Variants in BLTP1 observed in about 807,000 individuals in gnomAD.
BLTP1 encodes fragile site-associated protein.
At chr4:122,350,152 A>G in the BLTP1 span, 2 of 1,496,710 alleles carry the variant, frequency 1.3e-6, no homozygotes, top group Non-Finnish European at 1.8e-6. Context: ...AAATAATAAT[A>G]ATCTGTATGC....
At chr4:122,280,180 G>C in the BLTP1 span, 1,533 of 985,384 alleles carry the variant, frequency 1.6e-3, 13 homozygotes, top group African/African-American at 0.025. Flanking sequence ...AGTGTCGTCA[G>C]TGCAATTGTC....
the BLTP1 span, chr4:122,154,056 A>G: frequency 1.0e-6 from 1 of 984,798 alleles, no homozygotes; most frequent in Non-Finnish European, 1.2e-6. Flanking sequence ...CAGAAAGGCT[A>G]TCTGAAGAAA....
the BLTP1 span, chr4:122,152,410 G>C: frequency 1.0e-6 from 1 of 985,802 alleles, no homozygotes; most frequent in Admixed American, 6.1e-5. Context: ...GCCAGGGTCT[G>C]GACCTGGGCG....
the BLTP1 span, chr4:122,276,048 G>T: frequency 6.4e-7 from 1 of 1,551,808 alleles, no homozygotes. Context: ...CTTTTTCATG[G>T]CTTTGTAATT....
At chr4:122,197,069 T>G in the BLTP1 span, 1 of 619,540 alleles carries the variant, frequency 1.6e-6, no homozygotes, top group South Asian at 3.6e-5. Context: ...ATTTGAACTT[T>G]TGTTCTTAGG....
chr4:122,294,192 G>A, the BLTP1 span, among the ~76,000 whole-genome samples: 4 of 152,304 alleles, frequency 2.6e-5, no homozygotes, highest in East Asian at 5.8e-4. Flanking sequence ...TGGCTCTGGA[G>A]AGTCCCGGTG....
the BLTP1 span, chr4:122,254,746 ATTGT>A: frequency 7.0e-7 from 1 of 1,428,080 alleles, no homozygotes; most frequent in African/African-American, 1.4e-5. Flanking sequence ...GGTATGGGAG[ATTGT>A]TTGGAATACA....
chr4:122,273,872 A>G, the BLTP1 span, among the ~76,000 whole-genome samples: 41 of 152,084 alleles, frequency 2.7e-4, no homozygotes, highest in Non-Finnish European at 5.9e-5. Context: ...ATGCTAAATG[A>G]AAAAAGTAGG....
chr4:122,155,041 T>C, the BLTP1 span: 9 of 562,300 alleles, frequency 1.6e-5, no homozygotes, highest in South Asian at 7.0e-4. Flanking sequence ...CATAACTAGC[T>C]ATTGAGTATC....
chr4:122,214,247 T>G, the BLTP1 span: 4 of 957,886 alleles, frequency 4.2e-6, no homozygotes, highest in Non-Finnish European at 5.0e-6. Context: ...TTACTTGAAG[T>G]AGGTGACAAG....
At chr4:122,354,985 A>G in the BLTP1 span, among the ~76,000 whole-genome samples, 2 of 152,034 alleles carry the variant, frequency 1.3e-5, no homozygotes, top group African/African-American at 4.8e-5. Context: ...TTTTTTCAAA[A>G]TGGAAAAGAT....
At chr4:122,302,754 C>T in the BLTP1 span, among the ~76,000 whole-genome samples, 1 of 152,162 alleles carries the variant, frequency 6.6e-6, no homozygotes, top group Non-Finnish European at 1.5e-5. Flanking sequence ...GATAAGAAAG[C>T]CAAACAGCCT....
chr4:122,234,944 G>A, the BLTP1 span: 2 of 1,613,738 alleles, frequency 1.2e-6, no homozygotes, highest in Admixed American at 1.7e-5. Context: ...CAAGTGCAGA[G>A]TCTGATATGT....
At chr4:122,308,164 C>T in the BLTP1 span, 2 of 1,612,224 alleles carry the variant, frequency 1.2e-6, no homozygotes, top group Admixed American at 1.7e-5. Flanking sequence ...TGCACAGGTA[C>T]AAAAAGTCAA....
At chr4:122,286,444 T>A in the BLTP1 span, 2 of 1,552,886 alleles carry the variant, frequency 1.3e-6, no homozygotes, top group Non-Finnish European at 1.7e-6. Flanking sequence ...TTTGGGAATA[T>A]CCATGCATTT....
chr4:122,358,803 A>G, the BLTP1 span, among the ~76,000 whole-genome samples: 1 of 152,204 alleles, frequency 6.6e-6, no homozygotes, highest in Admixed American at 6.5e-5. Flanking sequence ...AGCTGTATTC[A>G]TTAAATAAGA....
chr4:122,341,435 C>T, the BLTP1 span, among the ~76,000 whole-genome samples: 1 of 152,072 alleles, frequency 6.6e-6, no homozygotes, highest in African/African-American at 2.4e-5. Context: ...AATATATGCC[C>T]ATGCCCATTT....
chr4:122,164,336 T>G, the BLTP1 span: 1 of 891,168 alleles, frequency 1.1e-6, no homozygotes, highest in African/African-American at 1.8e-5. Context: ...TCTTTTTAAA[T>G]TATGGAAATA....
the BLTP1 span, chr4:122,251,317 A>G: frequency 1.0e-6 from 1 of 983,024 alleles, no homozygotes; most frequent in Non-Finnish European, 1.2e-6. Flanking sequence ...ATCACTTTGA[A>G]AATTAGGCCA....
Sources: allele counts gnomAD v4.1 joint callset (sites outside exome capture counted in the v4.1 genomes callset), GRCh38; gene constraint gnomAD v4.1.1; transcripts MANE v1.5; gene names NCBI Gene and HGNC (gene_info 2026-07-23, HGNC 2026-07-21).